Variants in PHF24 observed in about 807,000 individuals in gnomAD.
PHF24 encodes the protein PHD finger protein 24, also known as Galpha inhibitory interacting protein.
Under a neutral mutation model 42.6 loss-of-function variants are expected in PHF24, and 25 were observed. The observed-to-expected ratio is 0.59, with a 90% CI of 0.43 to 0.82. The LOEUF is 0.82. PHF24 is among the 40% of genes least tolerant of loss of function. The pLI is 0.00. For synonymous variants in PHF24, 185 were observed against 204.8 expected (o/e 0.90, Z 0.83); for missense variants, 470 against 538.1 (o/e 0.87, Z 1.25).
chr9:34,809,042 AAAAAAAAT>A, the PHF24 span, among the ~76,000 whole-genome samples: 139 of 101,024 alleles, frequency 1.4e-3, 1 homozygote, highest in East Asian at 0.01. This position sits in a 1 kb window ranked among gnomAD's most constrained non-coding sequence, Gnocchi z 4.1. Context: ...TATAATAAAA[AAAAAAAAT>A]AATAAATAAA....
At chr9:34,740,371 G>A in the PHF24 span, among the ~76,000 whole-genome samples, 2 of 152,248 alleles carry the variant, frequency 1.3e-5, no homozygotes, top group African/African-American at 4.8e-5. Context: ...CAGGTCCTGA[G>A]CCCTGCCCTG....
At chr9:34,801,873 C>T in the PHF24 span, among the ~76,000 whole-genome samples, 1 of 140,346 alleles carries the variant, frequency 7.1e-6, no homozygotes. Context: ...AACACGTGGA[C>T]ACAGGGAGGG....
At chr9:34,726,685 A>G in the PHF24 span, 1 of 1,551,730 alleles carries the variant, frequency 6.4e-7, no homozygotes, top group Non-Finnish European at 8.7e-7. Context: ...TTGACTGGGC[A>G]GCTGACTGGG....
the PHF24 span, chr9:34,690,382 T>C: frequency 1.9e-6 from 3 of 1,605,442 alleles, no homozygotes; most frequent in East Asian, 2.2e-5. Context: ...CAGGGACCCT[T>C]GAGGGTGGCA....
chr9:34,747,515 TAAC>T, the PHF24 span, among the ~76,000 whole-genome samples: 1 of 152,164 alleles, frequency 6.6e-6, no homozygotes, highest in East Asian at 1.9e-4. Flanking sequence ...CAGGAAAAGA[TAAC>T]TATTAATAAA....
chr9:34,842,267 G>A, the PHF24 span, among the ~76,000 whole-genome samples: 22 of 152,186 alleles, frequency 1.4e-4, no homozygotes, highest in Non-Finnish European at 4.4e-5. Context: ...ACCAGTTTGG[G>A]GCTACTAGAA....
chr9:34,849,106 G>A, the PHF24 span, among the ~76,000 whole-genome samples: 1 of 152,178 alleles, frequency 6.6e-6, no homozygotes, highest in Non-Finnish European at 1.5e-5. Flanking sequence ...TTCTGTAGAT[G>A]TCTATTAGGT....
chr9:34,900,147 C>T, the PHF24 span, among the ~76,000 whole-genome samples: 91 of 152,166 alleles, frequency 6.0e-4, 1 homozygote, highest in South Asian at 4.4e-3. Flanking sequence ...TTATGCCAAG[C>T]GAAACACCAT....
the PHF24 span, among the ~76,000 whole-genome samples, chr9:34,727,864 A>T: frequency 0.28 from 43,259 of 151,876 alleles, 6,584 homozygotes; most frequent in Admixed American, 0.35. Context: ...TGTGAACCCC[A>T]CTCTTCCCTG....
chr9:34,780,298 C>CTTTT, the PHF24 span, among the ~76,000 whole-genome samples: 8 of 63,892 alleles, frequency 1.3e-4, no homozygotes, highest in African/African-American at 3.9e-4. Context: ...TTCTTTTTTT[C>CTTTT]TTTTTTTTTT....
At chr9:34,817,635 A>G in the PHF24 span, among the ~76,000 whole-genome samples, 1 of 152,150 alleles carries the variant, frequency 6.6e-6, no homozygotes, top group Non-Finnish European at 1.5e-5. Flanking sequence ...TGATTTGCAA[A>G]TATTTTCTAC....
In PHF24 at chr9:34,958,369, C is replaced by T. The variant is rs1360450258; in HGVS notation, c.-37C>T. The T allele has an allele frequency of 6.6e-6, 1 of 152,270 alleles. No homozygotes were observed. The highest frequency in any genetic ancestry group is 1.5e-5 in the Non-Finnish European group (1 of 67,928). 9.4% of individuals were successfully genotyped at this position (152,270 alleles called of 1,614,324 possible). A position where few individuals can be genotyped will look rare whatever the true frequency, so the allele number is the denominator to read the frequency against. ...GCCCGCGGTGTGTAGAGTCCGCCGC[C>T]CCGGAGCCGCGTCCCGCACCCGGAC... On this transcript the variant is annotated 5_prime_UTR_variant, in exon 1 of 8. Coordinates refer to ENST00000242315, the Ensembl canonical transcript of PHF24. The surrounding 1 kb of genome is among the most constrained non-coding windows in gnomAD (Gnocchi z 4.5).
At chr9:34,846,709 C>A in the PHF24 span, among the ~76,000 whole-genome samples, 1 of 152,186 alleles carries the variant, frequency 6.6e-6, no homozygotes, top group Admixed American at 6.5e-5. Flanking sequence ...CCCAGGTTTT[C>A]TTCTAGGGTT....
At chr9:34,858,238 G>C in the PHF24 span, among the ~76,000 whole-genome samples, 1 of 152,064 alleles carries the variant, frequency 6.6e-6, no homozygotes, top group Non-Finnish European at 1.5e-5. Context: ...ATTTGAAGAA[G>C]AAAAGATATA....
the PHF24 span, chr9:34,709,807 G>T: frequency 6.2e-7 from 1 of 1,614,074 alleles, no homozygotes; most frequent in East Asian, 2.2e-5. Context: ...GCCTAAGCTT[G>T]GTTCCTGCTT....
At chr9:34,670,477 A>G in the PHF24 span, among the ~76,000 whole-genome samples, 1 of 152,142 alleles carries the variant, frequency 6.6e-6, no homozygotes, top group Admixed American at 6.5e-5. Flanking sequence ...TTCCCACTGG[A>G]TAGCTCCCCA....
At chr9:34,740,541 G>A in the PHF24 span, among the ~76,000 whole-genome samples, 2 of 152,208 alleles carry the variant, frequency 1.3e-5, no homozygotes, top group African/African-American at 2.4e-5. Context: ...TGCAGGGCCC[G>A]CCAAGCCCAC....
At chr9:34,883,915 C>T in the PHF24 span, among the ~76,000 whole-genome samples, 1,908 of 152,254 alleles carry the variant, frequency 0.013, 24 homozygotes, top group Non-Finnish European at 0.02. Context: ...CACATGCACA[C>T]GTATGTTTAT....
the PHF24 span, chr9:34,836,992 C>T: frequency 2.0e-5 from 9 of 456,410 alleles, no homozygotes; most frequent in South Asian, 1.5e-4. Context: ...TCTCCTCAGT[C>T]CTGCCCCAGG....
Sources: allele counts gnomAD v4.1 joint callset (sites outside exome capture counted in the v4.1 genomes callset), GRCh38; gene constraint gnomAD v4.1.1; non-coding constraint Gnocchi (gnomAD v3.1); transcripts MANE v1.5; gene names NCBI Gene and HGNC (gene_info 2026-07-23, HGNC 2026-07-21).